ADARB2: variants seen among roughly 807,000 people sequenced by gnomAD.
ADARB2 encodes the protein adenosine deaminase RNA specific B2 (inactive).
Under a neutral mutation model 62.2 loss-of-function variants are expected in ADARB2, and 25 were observed. That is an observed-to-expected ratio of 0.40 (90% CI 0.29 to 0.56). The LOEUF is 0.56. ADARB2 is among the 20% of genes least tolerant of loss of function. The pLI is 0.43. For missense variants in ADARB2, 1,071 were observed against 1,077.4 expected, an observed-to-expected ratio of 0.99 and a Z score of 0.08; for synonymous variants, 572 against 500.8, an observed-to-expected ratio of 1.14 and a Z score of -1.90.
intron 3 of ADARB2, chr10:1,290,371 G>A (rs751195289): frequency 5.2e-5 from 8 of 152,408 alleles, no homozygotes; most frequent in African/African-American, 9.6e-5. Flanking sequence ...CCTCCTGGTC[G>A]GCGGAAGGAC....
At chr10:1,376,897 G>T (rs1430196958) in intron 2 of ADARB2, among the ~76,000 whole-genome samples, 8 of 150,580 alleles carry the variant, frequency 5.3e-5, no homozygotes, top group Admixed American at 5.3e-4. Flanking sequence ...GTGTGCTCCT[G>T]GGGTGTGTGT....
At chr10:1,656,256 GA>G (rs1834170963) in intron 1 of ADARB2, among the ~76,000 whole-genome samples, 1 of 152,164 alleles carries the variant, frequency 6.6e-6, no homozygotes, top group African/African-American at 2.4e-5. Flanking sequence ...TGTGTTAGTA[GA>G]ACAATGTATG....
intron 1 of ADARB2, among the ~76,000 whole-genome samples, chr10:1,663,070 A>T (rs774856062): frequency 6.6e-6 from 1 of 152,192 alleles, no homozygotes; most frequent in South Asian, 2.1e-4. Flanking sequence ...TATTTGGTAA[A>T]CTCAGTTAAT....
chr10:1,210,619 G>T (rs17156103), intron 7 of ADARB2, among the ~76,000 whole-genome samples: 5,552 of 152,304 alleles, frequency 0.036, 325 homozygotes, highest in African/African-American at 0.13. Flanking sequence ...CCAGTTCCCA[G>T]GGCATCATCA....
intron 1 of ADARB2, among the ~76,000 whole-genome samples, chr10:1,443,452 A>G (rs1287283274): frequency 6.6e-6 from 1 of 152,150 alleles, no homozygotes; most frequent in Non-Finnish European, 1.5e-5. Context: ...GCCATTCCTA[A>G]CAACTTCTTT....
intron 2 of ADARB2, among the ~76,000 whole-genome samples, chr10:1,364,375 C>G (rs915678695): frequency 6.6e-6 from 1 of 152,204 alleles, no homozygotes; most frequent in Non-Finnish European, 1.5e-5. Flanking sequence ...TCTACTTCCT[C>G]ACTCACAGCT....
Position 1,363,380 on chromosome 10 carries a change from C to T in ADARB2, c.725G>A (p.Gly242Glu), listed in dbSNP as rs916686150. 2.3e-6 allele frequency: 3 copies of T among 1,330,610 alleles called. No homozygotes were observed. Among genetic ancestry groups the T allele is most frequent in the Non-Finnish European group, 2.9e-6 (3 of 1,039,788 alleles). The allele number at this position is 1,330,610 out of a possible 1,614,324, so 82.4% of individuals were successfully genotyped here. A position where few individuals can be genotyped will look rare whatever the true frequency, so the allele number is the denominator to read the frequency against. Residue 242 changes from glycine to glutamate, a missense_variant, in exon 3 of 10, where the codon GGG (glycine) becomes GAG (glutamate). Coordinates refer to ENST00000381312, the MANE Select transcript of ADARB2 (RefSeq NM_018702.4). Reference sequence around the variant, plus strand: ...GGCCGCGGACAGAAGCGCGGCGTCCCCGGGGCGGCCTCCCGCGAGTCCGGG... The same window carrying T: ...GGCCGCGGACAGAAGCGCGGCGTCCTCGGGGCGGCCTCCCGCGAGTCCGGG... ...PRPGLAGGRP[G>E]DAALLSAAYG...
intron 1 of ADARB2, among the ~76,000 whole-genome samples, chr10:1,520,266 T>C (rs1185274525): frequency 1.3e-5 from 2 of 152,234 alleles, no homozygotes; most frequent in African/African-American, 4.8e-5. Flanking sequence ...CCTGTTTTTG[T>C]AATAAAACTG....
At chr10:1,294,819 G>A (rs1831509618) in intron 3 of ADARB2, among the ~76,000 whole-genome samples, 1 of 152,190 alleles carries the variant, frequency 6.6e-6, no homozygotes, top group African/African-American at 2.4e-5. Flanking sequence ...TGTGCCCACA[G>A]CATGGAGTGG....
chr10:1,586,407 G>A (rs553576445), intron 1 of ADARB2, among the ~76,000 whole-genome samples: 20 of 152,302 alleles, frequency 1.3e-4, no homozygotes, highest in South Asian at 4.1e-4. Flanking sequence ...AGCAGCTGGC[G>A]GGATGGTCGG....
intron 1 of ADARB2, among the ~76,000 whole-genome samples, chr10:1,553,023 G>A (rs192464073): frequency 1.0e-3 from 153 of 152,320 alleles, no homozygotes; most frequent in African/African-American, 3.5e-3. Flanking sequence ...GAACATCCTG[G>A]GACATGGGGG....
intron 6 of ADARB2, among the ~76,000 whole-genome samples, chr10:1,219,321 A>T (rs911163993): frequency 1.3e-5 from 2 of 152,264 alleles, no homozygotes; most frequent in Non-Finnish European, 2.9e-5. Context: ...GGGTTTATAT[A>T]GGAACTTTCT....
chr10:1,377,128 G>A (rs912363088), intron 2 of ADARB2, among the ~76,000 whole-genome samples: 7 of 132,428 alleles, frequency 5.3e-5, no homozygotes, highest in South Asian at 2.7e-4. Flanking sequence ...TGTGCGGTGC[G>A]TCCCTGGGGT....
At chr10:1,688,082 A>C (rs1000702692) in intron 1 of ADARB2, among the ~76,000 whole-genome samples, 2 of 152,242 alleles carry the variant, frequency 1.3e-5, no homozygotes, top group Non-Finnish European at 2.9e-5. Context: ...ATAACCAAAA[A>C]GAAGCCTTCG....
chr10:1,529,611 C>T (rs893261498), intron 1 of ADARB2, among the ~76,000 whole-genome samples: 4 of 152,232 alleles, frequency 2.6e-5, no homozygotes, highest in African/African-American at 9.6e-5. Flanking sequence ...TCACCAGATT[C>T]TAAACATTTT....
At chr10:1,463,905 T>A (rs1222800452) in intron 1 of ADARB2, among the ~76,000 whole-genome samples, 1 of 152,054 alleles carries the variant, frequency 6.6e-6, no homozygotes. Flanking sequence ...AGAAGACATA[T>A]GAGAGACAGA....
intron 1 of ADARB2, among the ~76,000 whole-genome samples, chr10:1,656,585 G>A (rs970540261): frequency 7.9e-5 from 12 of 152,228 alleles, no homozygotes; most frequent in Middle Eastern, 3.4e-3. Flanking sequence ...CCTCTAGTGC[G>A]TGGTCTTGTG....
intron 1 of ADARB2, among the ~76,000 whole-genome samples, chr10:1,491,958 A>G (rs1831627677): frequency 6.6e-6 from 1 of 152,248 alleles, no homozygotes; most frequent in Admixed American, 6.5e-5. Flanking sequence ...AAATTGCTAC[A>G]AAATGAGAGT....
chr10:1,363,244 G>A lies in ADARB2; in HGVS notation c.861C>T (p.Arg287=). 2.2e-6 allele frequency: 3 copies of A among 1,361,844 alleles called. No individual in the cohort carries two copies. Among genetic ancestry groups the A allele is most frequent in the Admixed American group, 3.1e-5 (1 of 32,704 alleles). 84.4% of individuals were successfully genotyped at this position (1,361,844 alleles called of 1,614,324 possible). Residue 287 remains arginine, a synonymous_variant, in exon 3 of 10, where the codon CGC becomes CGT. Coordinates refer to ENST00000381312, the MANE Select transcript of ADARB2 (RefSeq NM_018702.4). The stretch of plus-strand genomic sequence containing the variant: ...CCAGACACACGTAGCGCAGCCCGGC[G>A]CGCAGGCGGTTCAGCAGCACCACGG... ...RNPVVLLNRL[R]AGLRYVCLAE...
Sources: gnomAD v4.1 joint callset for allele counts (sites outside exome capture counted in the v4.1 genomes callset) on GRCh38, gnomAD v4.1.1 for gene constraint, MANE v1.5 for transcripts, NCBI Gene and HGNC (gene_info 2026-07-23, HGNC 2026-07-21) for gene names.